Variants in DLG1 observed in about 807,000 individuals in gnomAD.
DLG1 encodes the protein disks large homolog 1.
In DLG1, 42 loss-of-function variants were observed where a neutral mutation model predicts 123.4. The observed-to-expected ratio is 0.34, with a 90% confidence interval of 0.27 to 0.44. The LOEUF is 0.44. DLG1 is among the 20% of genes least tolerant of loss of function. The pLI is 1.00. For synonymous variants in DLG1, 317 were observed against 356.2 expected, an observed-to-expected ratio of 0.89 and a Z score of 1.24; for missense variants, 942 against 1,082.6, an observed-to-expected ratio of 0.87 and a Z score of 1.82.
At position 197,140,238 on chromosome 3, in the gene DLG1, A is replaced by G; in HGVS notation, c.615T>C (p.Ile205=). 2.5e-6 allele frequency: 4 copies of G among 1,613,652 alleles called. No homozygotes were observed. Among genetic ancestry groups the G allele is most frequent in the African/African-American group, 2.7e-5 (2 of 75,026 alleles). ...TGTGTGGGTTGTCCGTACCTCCTGCAATGCTGAAACCAAGCCCTGAATTTC... is the reference window on the plus strand; with the variant it reads ...TGTGTGGGTTGTCCGTACCTCCTGCGATGCTGAAACCAAGCCCTGAATTTC... ...ERGNSGLGFS[I]AGGTDNPHIG... Residue 205 remains isoleucine, a synonymous_variant, in exon 8 of 25, where the codon ATT becomes ATC. Coordinates refer to ENST00000667157, the MANE Select transcript of DLG1 (RefSeq NM_001366207.1).
At chr3:197,273,849 C>CAAAAAAAAAAAAAAAAAAAAA (rs58880007) in intron 4 of DLG1, among the ~76,000 whole-genome samples, 1 of 48,706 alleles carries the variant, frequency 2.1e-5, no homozygotes, top group Non-Finnish European at 3.8e-5. Flanking sequence ...TAATAGCTAC[C>CAAAAAAAAAAAAAAAAAAAAA]AAAAAAAAAA....
intron 23 of DLG1, among the ~76,000 whole-genome samples, chr3:197,057,187 C>T (rs1578236385): frequency 6.6e-6 from 1 of 152,102 alleles, no homozygotes; most frequent in African/African-American, 2.4e-5. Flanking sequence ...TCAAGGGATC[C>T]TCCTGCTTCG....
At chr3:197,048,827 G>GT (rs1328530069) in intron 24 of DLG1, among the ~76,000 whole-genome samples, 1 of 151,886 alleles carries the variant, frequency 6.6e-6, no homozygotes, top group East Asian at 1.9e-4. Context: ...GGCTAATTTT[G>GT]TATTTTTAGT....
intron 17 of DLG1, among the ~76,000 whole-genome samples, chr3:197,078,170 T>C (rs1174001855): frequency 6.8e-6 from 1 of 147,776 alleles, no homozygotes; most frequent in Non-Finnish European, 1.5e-5. Context: ...AAAAATTAGC[T>C]GGGAGCAGTG....
intron 4 of DLG1, among the ~76,000 whole-genome samples, chr3:197,251,448 C>CA (rs1754416900): frequency 6.6e-6 from 1 of 151,972 alleles, no homozygotes; most frequent in African/African-American, 2.4e-5. Flanking sequence ...AAAACAGACA[C>CA]ACAGAAAAGA....
intron 18 of DLG1, among the ~76,000 whole-genome samples, chr3:197,073,965 C>G (rs771769956): frequency 6.6e-6 from 1 of 152,070 alleles, no homozygotes; most frequent in Non-Finnish European, 1.5e-5. Flanking sequence ...ATTAAAGTCT[C>G]TCAAGATTTT....
At chr3:197,256,905 C>T (rs1010757036) in intron 4 of DLG1, among the ~76,000 whole-genome samples, 1 of 152,050 alleles carries the variant, frequency 6.6e-6, no homozygotes, top group African/African-American at 2.4e-5. Context: ...TTGATTATAA[C>T]TTAACTAAAT....
chr3:197,238,052 A>G (rs1226983745), intron 4 of DLG1, among the ~76,000 whole-genome samples: 1 of 152,176 alleles, frequency 6.6e-6, no homozygotes, highest in Non-Finnish European at 1.5e-5. Flanking sequence ...ACCCTATCCC[A>G]ACAGGAGTGA....
chr3:197,201,460 AAG>A (rs1441856495), intron 4 of DLG1, among the ~76,000 whole-genome samples: 1 of 152,238 alleles, frequency 6.6e-6, no homozygotes, highest in African/African-American at 2.4e-5. Flanking sequence ...GAATTCAGTA[AAG>A]TTTCAGGATA....
At chr3:197,209,281 GTATT>G (rs1730159248) in intron 4 of DLG1, among the ~76,000 whole-genome samples, 1 of 146,350 alleles carries the variant, frequency 6.8e-6, no homozygotes, top group African/African-American at 2.4e-5. Flanking sequence ...TCAAGACAGA[GTATT>G]TATCTAAAGA....
chr3:197,141,832 G>A (rs763266055), intron 7 of DLG1, among the ~76,000 whole-genome samples: 2 of 152,004 alleles, frequency 1.3e-5, no homozygotes, highest in African/African-American at 2.4e-5. Flanking sequence ...CTCCTGATTC[G>A]AGTAGCTGGG....
intron 12 of DLG1, among the ~76,000 whole-genome samples, chr3:197,118,950 T>C (rs7633360): frequency 0.74 from 112,310 of 151,890 alleles, 41,636 homozygotes; most frequent in East Asian, 0.82. Flanking sequence ...GCTGCAGTGA[T>C]GTACGTTCAT....
chr3:197,200,205 C>T lies in DLG1; in HGVS notation c.319-5616G>A, dbSNP rs1049514785. ...AAATAACTAAAATTAAGGCCAAAAA[C>T]TAAGTATTTAATAAAATATTTAGTA... On this transcript the variant is annotated intron_variant, in intron 4 of 24. Coordinates refer to ENST00000667157, the MANE Select transcript of DLG1 (RefSeq NM_001366207.1). Among the ~76,000 whole-genome samples the T allele has an allele frequency of 3.3e-5, 5 of 152,010 alleles. No homozygotes were observed. In the East Asian group the frequency reaches 5.8e-4, roughly 18 times the overall value.
Position 197,141,971 on chromosome 3 carries a change from T to C in DLG1, c.588+747A>G, listed in dbSNP as rs549518067. Among the ~76,000 whole-genome samples, 860 of 152,300 alleles carry C rather than the reference T, an allele frequency of 5.6e-3. 7 individuals carry two copies. The highest frequency in any genetic ancestry group is 8.0e-3 in the Non-Finnish European group (542 of 68,022). The stretch of plus-strand genomic sequence containing the variant: ...ATTCACCCGCCTCGGCCTCCCAAAG[T>C]GCTGGGATTACAGGCGTGAGTGCAG... On this transcript the variant is annotated intron_variant, in intron 7 of 24. Transcript: ENST00000667157.
intron 23 of DLG1, 80 bp downstream of exon 23, chr3:197,059,809 A>G: frequency 1.2e-6 from 1 of 863,632 alleles, no homozygotes. Context: ...AGATAAACTG[A>G]GATGCAGGGA....
intron 4 of DLG1, among the ~76,000 whole-genome samples, chr3:197,221,096 C>T (rs1736740889): frequency 6.6e-6 from 1 of 152,150 alleles, no homozygotes; most frequent in Admixed American, 6.5e-5. Flanking sequence ...TCAAGGAAAC[C>T]TTACATACCA....
intron 11 of DLG1, among the ~76,000 whole-genome samples, chr3:197,124,137 G>C (rs1439526599): frequency 6.6e-6 from 1 of 152,120 alleles, no homozygotes; most frequent in Non-Finnish European, 1.5e-5. Flanking sequence ...AGGCTGATGT[G>C]GGAGGATGGC....
chr3:197,148,098 A>G (rs1007270598), intron 6 of DLG1, among the ~76,000 whole-genome samples: 1 of 151,656 alleles, frequency 6.6e-6, no homozygotes, highest in African/African-American at 2.4e-5. Flanking sequence ...TTATAACAGC[A>G]TCGTAAGAAT....
At chr3:197,058,965 G>T (rs1036582238) in intron 23 of DLG1, among the ~76,000 whole-genome samples, 3 of 152,068 alleles carry the variant, frequency 2.0e-5, no homozygotes, top group Non-Finnish European at 4.4e-5. Context: ...TCGCTCTGCC[G>T]CCCAGGCTGG....
Sources: allele counts gnomAD v4.1 joint callset (sites outside exome capture counted in the v4.1 genomes callset), GRCh38; gene constraint gnomAD v4.1.1; transcripts MANE v1.5; gene names NCBI Gene and HGNC (gene_info 2026-07-23, HGNC 2026-07-21).